The following ZNF140 variants were observed in gnomAD, a reference collection of about 807,000 sequenced individuals.
The protein encoded by ZNF140 is zinc finger protein 140, also known as zinc finger protein 140 (clone pHZ-39).
A neutral mutation model predicts 12.9 loss-of-function variants in ZNF140; 13 were observed. The ratio of observed to expected loss-of-function variants is 1.01; its 90% CI spans 0.66 to 1.60. The LOEUF (loss-of-function observed/expected upper bound fraction) is 1.60, where lower values mean the gene tolerates loss of function less well. Among genes scored for constraint, ZNF140 ranks in the 40% most tolerant of loss-of-function variants. The pLI is 0.00. For missense variants in ZNF140, 531 were observed against 548.8 expected (o/e 0.97, Z 0.32); for synonymous variants, 214 against 186.7 (o/e 1.15, Z -1.19).
chr12:133,107,188 A>G lies in ZNF140; in HGVS notation c.*537A>G, dbSNP rs1041897855. On this transcript the variant is annotated 3_prime_UTR_variant, in exon 5 of 5. Transcript: ENST00000355557. ...ACATTTTAATACTCTTGTAGGAGAA[A>G]AAGCAACTGTATAAATGAATGTAGA... The G allele has an allele frequency of 6.6e-6, 1 of 152,414 alleles. No homozygotes were observed. Among genetic ancestry groups the G allele is most frequent in the African/African-American group, 2.4e-5 (1 of 41,460 alleles). 9.4% of individuals were successfully genotyped at this position (152,414 alleles called of 1,614,324 possible).
chr12:133,090,825 GT>G (rs1255714527), intron 4 of ZNF140, among the ~76,000 whole-genome samples: 2 of 129,690 alleles, frequency 1.5e-5, no homozygotes, highest in Non-Finnish European at 3.4e-5. Context: ...TCATAATTAG[GT>G]TTAAGGGAAG....
At position 133,083,515 on chromosome 12, in the gene ZNF140, A is replaced by C; in HGVS notation, c.186A>C (p.Lys62Asn). ...PDVVSLLEQG[K>N]EPWLGKREVK... ...TGGTTTCCTTATTGGAGCAAGGGAA[A>C]GAACCCTGGCTGGGGAAAAGGGAAG... Residue 62 changes from lysine (K) to asparagine (N), a missense_variant, in exon 4 of 5, where the codon AAA (lysine) becomes AAC (asparagine). Lys to Asn is a moderately conservative substitution (Grantham distance 94). Coordinates refer to ENST00000355557, the MANE Select transcript of ZNF140 (RefSeq NM_003440.4). The C allele has an allele frequency of 6.2e-7, 1 of 1,614,124 alleles. No individual in the cohort carries two copies. The highest frequency in any genetic ancestry group is 8.5e-7 in the Non-Finnish European group (1 of 1,179,972).
Position 133,106,321 on chromosome 12 carries a change from G to T in ZNF140, c.1044G>T (p.Gln348His). 6.2e-7 allele frequency: 1 copy of T among 1,614,158 alleles called. No homozygotes were observed. The highest frequency in any genetic ancestry group is 1.1e-5 in the South Asian group (1 of 91,076). ...FRCHSFLIKHQRIHAGEKLYE... is the reference protein window; with the variant it reads ...FRCHSFLIKHHRIHAGEKLYE... ...GTCACTCATTCCTTATTAAACATCA[G>T]AGAATTCATGCTGGAGAAAAGCTCT... Residue 348 changes from glutamine to histidine, a missense_variant, in exon 5 of 5, where the codon CAG becomes CAT. Coordinates refer to ENST00000355557, the MANE Select transcript of ZNF140 (RefSeq NM_003440.4).
intron 4 of ZNF140, among the ~76,000 whole-genome samples, chr12:133,083,935 G>A (rs920548158): frequency 8.6e-5 from 13 of 151,652 alleles, no homozygotes; most frequent in African/African-American, 3.1e-4. Context: ...ACTGCAGCCT[G>A]GGAGACAGAG....
chr12:133,106,002 A>G lies in ZNF140; in HGVS notation c.725A>G (p.Glu242Gly), dbSNP rs1593811758. ...GAACACCAGAGAACGCACACTGGGGAGAAACCTTATGAATGTACTGAGTGT... is the reference window on the plus strand; with the variant it reads ...GAACACCAGAGAACGCACACTGGGGGGAAACCTTATGAATGTACTGAGTGT... ...LIEHQRTHTG[E>G]KPYECTECGK... The change falls in exon 5 of 5, where the codon GAG becomes GGG. Residue 242 changes from glutamate (E) to glycine (G), a missense_variant. Transcript: ENST00000355557. 1 of 1,614,158 alleles carries G rather than the reference A, an allele frequency of 6.2e-7. No individual in the cohort carries two copies. Among genetic ancestry groups the G allele is most frequent in the Non-Finnish European group, 8.5e-7 (1 of 1,180,042 alleles).
chr12:133,091,884 C>G (rs1483392449), intron 4 of ZNF140, among the ~76,000 whole-genome samples: 1 of 150,894 alleles, frequency 6.6e-6, no homozygotes, highest in Non-Finnish European at 1.5e-5. Context: ...TAACCATGTC[C>G]CAGTGATGTT....
At chr12:133,095,967 G>A (rs201824545) in intron 4 of ZNF140, among the ~76,000 whole-genome samples, 17,288 of 149,010 alleles carry the variant, frequency 0.12, 763 homozygotes, top group Non-Finnish European at 0.15. Flanking sequence ...CCCAGGGGCA[G>A]GCAGGAGACA....
At chr12:133,084,166 C>G (rs961659665) in intron 4 of ZNF140, 10 of 438,586 alleles carry the variant, frequency 2.3e-5, no homozygotes, top group African/African-American at 4.1e-5. Flanking sequence ...AATTTCATTT[C>G]TTTTTGTTTT....
chr12:133,105,119 CTAA>C (rs1358076529), intron 4 of ZNF140, among the ~76,000 whole-genome samples: 122 of 152,242 alleles, frequency 8.0e-4, no homozygotes, highest in African/African-American at 2.8e-3. Flanking sequence ...TGAACAGAAT[CTAA>C]TGTCTTTGTG....
Position 133,106,788 on chromosome 12 carries a change from A to T in ZNF140, c.*137A>T, listed in dbSNP as rs931105220. On this transcript the variant is annotated 3_prime_UTR_variant, in exon 5 of 5. Transcript: ENST00000355557. ...AAGTAATATGGCCCACACTTTATTC[A>T]CCACCCTGGAGAAAAAAAAACCCAG... 9.7e-6 allele frequency: 7 copies of T among 722,298 alleles called. No homozygotes were observed. The African/African-American group carries it at 1.3e-4, about 13-fold the overall frequency. The allele number at this position is 722,298 out of a possible 1,614,324, so 44.7% of individuals were successfully genotyped here. A position where few individuals can be genotyped will look rare whatever the true frequency, so the allele number is the denominator to read the frequency against.
Position 133,090,387 on chromosome 12 carries a change from C to T in ZNF140, c.232+6826C>T, listed in dbSNP as rs1027324855. 3.6e-4 allele frequency among the ~76,000 whole-genome samples: 55 copies of T among 152,312 alleles called. No homozygotes were observed. The East Asian group carries it at 9.6e-3, about 27-fold the overall frequency. On this transcript the variant is annotated intron_variant, in intron 4 of 4. Transcript: ENST00000355557. ...TGAACTCCTGTCCTCAAATGATCTA[C>T]CCACCTTGGCCTCCCAAAGTGCTGG...
At chr12:133,083,422 G>A in intron 3 of ZNF140, 44 bp from the exon 4 acceptor site, 1 of 1,586,812 alleles carries the variant, frequency 6.3e-7, no homozygotes, top group Non-Finnish European at 8.6e-7. Context: ...CCCCTCTTAG[G>A]ATTCAATGAC....
chr12:133,081,497 C>T (rs1954501235), intron 2 of ZNF140, 168 bp downstream of exon 2: 1 of 458,870 alleles, frequency 2.2e-6, no homozygotes, highest in Non-Finnish European at 4.4e-6. Flanking sequence ...GGCCTGTTTC[C>T]GCTTTTCTTT....
At chr12:133,099,645 C>A (rs1175051338) in intron 4 of ZNF140, among the ~76,000 whole-genome samples, 2 of 152,168 alleles carry the variant, frequency 1.3e-5, no homozygotes, top group Non-Finnish European at 2.9e-5. Flanking sequence ...ATAATCCCAA[C>A]ACTCTTCTGT....
rs1435990987 is a variant in ZNF140 at position 133,083,485 on chromosome 12, A to G, written c.156A>G (p.Pro52=). The G allele has an allele frequency of 2.5e-6, 4 of 1,613,336 alleles. No homozygotes were observed. In the African/African-American group the frequency reaches 5.3e-5, roughly 22 times the overall value. Residue 52 remains proline, a synonymous_variant, in exon 4 of 5, where the codon CCA becomes CCG. Coordinates refer to ENST00000355557, the MANE Select transcript of ZNF140 (RefSeq NM_003440.4). ...LVSLGLSISK[P]DVVSLLEQGK... ...AAGCAGGTCTTTCCATTTCTAAGCC[A>G]GATGTGGTTTCCTTATTGGAGCAAG...
chr12:133,087,447 C>T (rs1456012418), intron 4 of ZNF140, among the ~76,000 whole-genome samples: 2 of 151,684 alleles, frequency 1.3e-5, no homozygotes, highest in Non-Finnish European at 1.5e-5. Context: ...TATTCCTAGG[C>T]CCCACCCTGG....
At chr12:133,094,927 A>C (rs1174013997) in intron 4 of ZNF140, among the ~76,000 whole-genome samples, 2 of 151,432 alleles carry the variant, frequency 1.3e-5, no homozygotes, top group Non-Finnish European at 2.9e-5. Flanking sequence ...CCGAGCCATT[A>C]CTGGCTCTGC....
At chr12:133,093,262 C>T (rs1954953414) in intron 4 of ZNF140, among the ~76,000 whole-genome samples, 1 of 151,156 alleles carries the variant, frequency 6.6e-6, no homozygotes. Context: ...AAGTAATTGT[C>T]TGAATTAAGG....
At chr12:133,096,178 C>T (rs1461762341) in intron 4 of ZNF140, among the ~76,000 whole-genome samples, 1 of 139,324 alleles carries the variant, frequency 7.2e-6, no homozygotes. Flanking sequence ...TTCTGCAGTG[C>T]ATGTGCCCCT....
Sources: allele counts gnomAD v4.1 joint callset (sites outside exome capture counted in the v4.1 genomes callset), GRCh38; gene constraint gnomAD v4.1.1; transcripts MANE v1.5; gene names NCBI Gene and HGNC (gene_info 2026-07-23, HGNC 2026-07-21).